KPNA7: variants seen among roughly 807,000 people sequenced by gnomAD.
The protein encoded by KPNA7 is importin subunit alpha-8.
KPNA7 carries 54 observed loss-of-function variants against 53.7 expected under a neutral mutation model. That is an observed-to-expected ratio of 1.01 (90% confidence interval 0.81 to 1.26). KPNA7 has a LOEUF of 1.26. KPNA7 is among the 50% of genes most tolerant of loss of function. The pLI is 0.00. For synonymous variants in KPNA7, 276 were observed against 259.3 expected, an observed-to-expected ratio of 1.06 and a Z score of -0.62; for missense variants, 640 against 644.5, an observed-to-expected ratio of 0.99 and a Z score of 0.07.
At chr7:99,181,806 A>G in intron 9 of KPNA7, 77 bp downstream of exon 9, 3 of 1,285,092 alleles carry the variant, frequency 2.3e-6, no homozygotes, top group African/African-American at 1.5e-5. Flanking sequence ...TACAACTTGA[A>G]TTTTAAGAGC....
the KPNA7 span, among the ~76,000 whole-genome samples, chr7:99,165,032 T>A: frequency 6.6e-6 from 1 of 152,098 alleles, no homozygotes; most frequent in Non-Finnish European, 1.5e-5. Flanking sequence ...TCCCAGCTAC[T>A]CAGGAGGCTG....
At chr7:99,209,696 A>ATAAAT (rs1230218624), upstream of KPNA7, among the ~76,000 whole-genome samples, 13 of 129,956 alleles carry the variant, frequency 1.0e-4, no homozygotes, top group African/African-American at 3.8e-4. Flanking sequence ...AAAAAAAAAA[A>ATAAAT]AAAAAAAAAA....
chr7:99,187,795 TTTTTAAAAAA>T (rs1563074980), intron 7 of KPNA7, among the ~76,000 whole-genome samples: 4 of 24,762 alleles, frequency 1.6e-4, no homozygotes, highest in African/African-American at 3.7e-4. Context: ...CCGGCCTTTT[TTTTTAAAAAA>T]AAAAAAAAAA....
chr7:99,175,961 T>C (rs1171416836), intron 10 of KPNA7, among the ~76,000 whole-genome samples: 2 of 152,126 alleles, frequency 1.3e-5, no homozygotes, highest in South Asian at 2.1e-4. Flanking sequence ...CCTAGCCCCA[T>C]GTTGATCTGG....
chr7:99,168,903 A>T (rs1174983321), downstream of KPNA7, among the ~76,000 whole-genome samples: 2 of 152,114 alleles, frequency 1.3e-5, no homozygotes, highest in Admixed American at 6.5e-5. Context: ...ACTCTCCATT[A>T]ATGTAACCAC....
In KPNA7 at chr7:99,181,916, G is replaced by A. The variant is rs1184067453; in HGVS notation, c.1284C>T (p.Leu428=). The stretch of plus-strand genomic sequence containing the variant: ...TGCAAGAGATGACATCAAGGATGAT[G>A]AGAACAATTTTAACATCTGGGGCAG... The part of the protein sequence containing the change: ...LLTAPDVKIV[L]IILDVISCIL... The change falls in exon 9 of 11, where the codon CTC becomes CTT. Residue 428 remains leucine, a synonymous_variant. Transcript: ENST00000327442. 6 of 1,550,662 alleles carry A rather than the reference G, an allele frequency of 3.9e-6. No homozygotes were observed. The African/African-American group carries it at 5.5e-5, about 14-fold the overall frequency.
chr7:99,213,078 T>G (rs994925715), upstream of KPNA7, among the ~76,000 whole-genome samples: 1 of 151,706 alleles, frequency 6.6e-6, no homozygotes. Context: ...CATTTATAAG[T>G]CTGGAGTAGA....
At chr7:99,207,298 G>C in intron 2 of KPNA7, 103 bp downstream of exon 2, 1 of 906,484 alleles carries the variant, frequency 1.1e-6, no homozygotes, top group South Asian at 1.4e-5. Context: ...CTCTCAAAGT[G>C]TTGGGATTAC....
chr7:99,205,006 T>C (rs910388990), intron 2 of KPNA7, among the ~76,000 whole-genome samples: 2 of 152,178 alleles, frequency 1.3e-5, no homozygotes, highest in African/African-American at 4.8e-5. Context: ...TTCTCTCTTC[T>C]CTTTGGCAGG....
chr7:99,190,334 T>TAAAAAAAA (rs1329810111), intron 6 of KPNA7, among the ~76,000 whole-genome samples: 1 of 94,134 alleles, frequency 1.1e-5, no homozygotes, highest in Non-Finnish European at 2.1e-5. Flanking sequence ...AGACTCTGTC[T>TAAAAAAAA]CAAAAAAAAA....
chr7:99,193,182 C>A (rs1234971900), intron 5 of KPNA7, 81 bp from the exon 6 acceptor site: 7 of 835,580 alleles, frequency 8.4e-6, no homozygotes, highest in South Asian at 2.3e-5. Context: ...TAAGAGTGTG[C>A]AAAGGGCAAG....
In KPNA7 at chr7:99,199,578, T is replaced by C. The variant is rs1790409743; in HGVS notation, c.202-3412A>G. Among the ~76,000 whole-genome samples the C allele has an allele frequency of 2.0e-5, 3 of 152,214 alleles. No homozygotes were observed. In the South Asian group the frequency reaches 6.2e-4, roughly 32 times the overall value. On this transcript the variant is annotated intron_variant, in intron 3 of 10. Coordinates refer to ENST00000327442, the MANE Select transcript of KPNA7 (RefSeq NM_001145715.3). ...AAGTTGGACTCCCATTCTCACCATT[T>C]ACAAAAATTAACTCCAAACGGCTCA... is the stretch of plus-strand genomic sequence containing the variant.
the KPNA7 span, among the ~76,000 whole-genome samples, chr7:99,146,485 G>C: frequency 6.6e-6 from 1 of 152,010 alleles, no homozygotes; most frequent in African/African-American, 2.4e-5. Context: ...AGGCTGAGGT[G>C]GGGGGATTAC....
intron 1 of KPNA7, among the ~76,000 whole-genome samples, chr7:99,217,509 C>G (rs1422319511): frequency 6.6e-6 from 1 of 151,344 alleles, no homozygotes; most frequent in Admixed American, 6.6e-5. Flanking sequence ...CATTGGTCCA[C>G]AAGCTGAGGC....
upstream of KPNA7, among the ~76,000 whole-genome samples, chr7:99,209,557 C>G (rs1000317477): frequency 1.3e-5 from 2 of 151,768 alleles, no homozygotes; most frequent in African/African-American, 4.8e-5. Context: ...GTGGCAGGCA[C>G]CTGTAGTCCC....
chr7:99,205,448 C>T (rs867041297), intron 2 of KPNA7, among the ~76,000 whole-genome samples: 5 of 148,924 alleles, frequency 3.4e-5, no homozygotes, highest in South Asian at 4.3e-4. Flanking sequence ...GATTTTGTTC[C>T]TGATGGTGGC....
chr7:99,192,783 C>T (rs7779342), intron 6 of KPNA7, among the ~76,000 whole-genome samples: 12,933 of 151,914 alleles, frequency 0.085, 576 homozygotes, highest in South Asian at 0.15. Context: ...GAAGTATGTC[C>T]CAATTTCCCA....
downstream of KPNA7, among the ~76,000 whole-genome samples, chr7:99,169,110 C>T (rs553218624): frequency 7.2e-5 from 11 of 151,912 alleles, no homozygotes; most frequent in Non-Finnish European, 1.6e-4. Flanking sequence ...GAGCTGAGAT[C>T]GCGCCACTTC....
chr7:99,205,229 C>T (rs559040732), intron 2 of KPNA7, among the ~76,000 whole-genome samples: 8 of 150,632 alleles, frequency 5.3e-5, no homozygotes, highest in Admixed American at 5.3e-4. Flanking sequence ...CGAGACCATC[C>T]TGGCCAACAT....
Sources: allele counts gnomAD v4.1 joint callset (sites outside exome capture counted in the v4.1 genomes callset), GRCh38; gene constraint gnomAD v4.1.1; transcripts MANE v1.5; gene names NCBI Gene and HGNC (gene_info 2026-07-23, HGNC 2026-07-21).